The following TBL1Y variants were observed in gnomAD, a reference collection of about 807,000 sequenced individuals.
TBL1Y encodes the protein F-box-like/WD repeat-containing protein TBL1Y.
A neutral mutation model predicts 12.0 loss-of-function variants in TBL1Y; 15 were observed. The ratio of observed to expected loss-of-function variants is 1.25; its 90% confidence interval spans 0.83 to 1.92. The LOEUF (loss-of-function observed/expected upper bound fraction) is 1.92, where lower values mean the gene tolerates loss of function less well. Among genes scored for constraint, TBL1Y ranks in the 40% most tolerant of loss-of-function variants. The pLI, the probability that TBL1Y is intolerant of heterozygous loss-of-function variation, is 0.00. For missense variants in TBL1Y, 148 were observed against 116.7 expected, an observed-to-expected ratio of 1.27 and a Z score of -1.24; for synonymous variants, 53 against 42.6, an observed-to-expected ratio of 1.24 and a Z score of -0.95.
At chrY:6,984,353 C>T (rs770790143) in intron 3 of TBL1Y, among the ~76,000 whole-genome samples, 9 of 33,402 alleles carry the variant, frequency 2.7e-4, no homozygotes, top group African/African-American at 1.1e-3. Context: ...GATCAACCCT[C>T]CTCACCCCAG....
In TBL1Y at chrY:7,091,484, G is replaced by C; in HGVS notation, c.1561G>C (p.Asp521His). ...SASDGSVCVL[D>H]L ...TCTTTCCTTCCAGGTGTGTGTTCTG[G>C]ATCTGTGAAAGTAAACACAAAATAT... is the stretch of plus-strand genomic sequence containing the variant. Residue 521 changes from aspartate (D) to histidine (H), a missense_variant, in exon 19 of 19, where the codon GAT (aspartate) becomes CAT (histidine). Asp to His is a moderately conservative substitution (Grantham distance 81). Transcript: ENST00000383032. The C allele has an allele frequency of 2.6e-6, 1 of 381,543 alleles. No homozygotes were observed. The highest frequency in any genetic ancestry group is 3.4e-5 in the South Asian group (1 of 29,314).
At chrY:7,002,102 A>G in intron 4 of TBL1Y, among the ~76,000 whole-genome samples, 1 of 34,447 alleles carries the variant, frequency 2.9e-5, no homozygotes, top group Non-Finnish European at 7.2e-5. Flanking sequence ...TAGTATATTT[A>G]TCCAGGAACT....
chrY:6,934,481 A>G (rs776272269), intron 2 of TBL1Y, among the ~76,000 whole-genome samples: 17 of 33,591 alleles, frequency 5.1e-4, no homozygotes, highest in African/African-American at 2.0e-3. Flanking sequence ...CAAGCACTGT[A>G]GAGTTCTTTC....
intron 4 of TBL1Y, among the ~76,000 whole-genome samples, chrY:7,019,029 G>T (rs2012569328): frequency 3.0e-5 from 1 of 32,948 alleles, no homozygotes; most frequent in East Asian, 8.0e-4. Context: ...ATACATGCAC[G>T]GCACACCATG....
At position 7,074,637 on chromosome Y, in the gene TBL1Y, G is replaced by A. The variant is rs776039448; in HGVS notation, c.955+17G>A. The stretch of plus-strand genomic sequence containing the variant: ...TTCATTCAGGTGAGTCTTTATGTTT[G>A]TGTTTTGTAATTTGAAAATAATTCA... On this transcript the variant is annotated intron_variant, in intron 13 of 18. Transcript: ENST00000383032. The A allele has an allele frequency of 1.3e-5, 5 of 394,248 alleles. No homozygotes were observed. The highest frequency in any genetic ancestry group is 1.8e-5 in the Non-Finnish European group (5 of 280,812).
At chrY:6,937,452 T>G (rs967403509) in intron 2 of TBL1Y, among the ~76,000 whole-genome samples, 9 of 32,972 alleles carry the variant, frequency 2.7e-4, no homozygotes, top group Admixed American at 1.1e-3. Flanking sequence ...ACGCCTATAA[T>G]TTCAGTCTCG....
chrY:6,989,984 A>G (rs2012351446), intron 3 of TBL1Y, among the ~76,000 whole-genome samples: 1 of 33,337 alleles, frequency 3.0e-5, no homozygotes, highest in Non-Finnish European at 7.4e-5. Context: ...CAGCATTGCT[A>G]TGGGTTCCAC....
chrY:7,063,405 A>G, intron 7 of TBL1Y, among the ~76,000 whole-genome samples: 1 of 33,229 alleles, frequency 3.0e-5, no homozygotes, highest in African/African-American at 1.2e-4. Context: ...GGGTTAGACC[A>G]CACAGGCTAA....
chrY:7,037,666 G>C (rs2012701110), intron 6 of TBL1Y, among the ~76,000 whole-genome samples: 1 of 33,788 alleles, frequency 3.0e-5, no homozygotes, highest in Non-Finnish European at 7.3e-5. Context: ...GGGTGTGGCT[G>C]TAGCTCAATA....
chrY:6,917,270 G>A, intron 2 of TBL1Y, among the ~76,000 whole-genome samples: 1 of 34,080 alleles, frequency 2.9e-5, no homozygotes, highest in African/African-American at 1.1e-4. Flanking sequence ...AAGGGATTTA[G>A]GTTTTGTGCT....
chrY:7,087,318 C>T lies in TBL1Y; in HGVS notation c.1332C>T (p.Cys444=). 4 of 395,398 alleles carry T rather than the reference C, an allele frequency of 1.0e-5. No homozygotes were observed. Among genetic ancestry groups the T allele is most frequent in the Non-Finnish European group, 1.4e-5 (4 of 282,190 alleles). The change falls in exon 17 of 19, where the codon TGC becomes TGT. Residue 444 remains cysteine, a synonymous_variant. Coordinates refer to ENST00000383032, the MANE Select transcript of TBL1Y (RefSeq NM_033284.2). ...VRLWDVEQGV[C]THTLMKHQEP... ...TGTGGGATGTGGAGCAAGGTGTCTGCACCCACACACTCATGAAGCATCAAG... is the reference window on the plus strand; with the variant it reads ...TGTGGGATGTGGAGCAAGGTGTCTGTACCCACACACTCATGAAGCATCAAG...
intron 2 of TBL1Y, among the ~76,000 whole-genome samples, chrY:6,970,437 G>C (rs949987954): frequency 3.0e-5 from 1 of 32,971 alleles, no homozygotes; most frequent in Non-Finnish European, 7.4e-5. Context: ...TACTACAGGT[G>C]CCTGCCACCA....
At chrY:7,069,419 T>G (rs2013008057) in intron 8 of TBL1Y, among the ~76,000 whole-genome samples, 1 of 33,649 alleles carries the variant, frequency 3.0e-5, no homozygotes, top group Non-Finnish European at 7.3e-5. Flanking sequence ...GCTGGAGGTC[T>G]GAGATCAAGG....
intron 7 of TBL1Y, among the ~76,000 whole-genome samples, chrY:7,060,618 T>C (rs897854759): frequency 6.5e-4 from 21 of 32,429 alleles, no homozygotes; most frequent in African/African-American, 2.5e-3. Context: ...CACTGTTCAC[T>C]TTTAGCAAAT....
At chrY:6,934,658 A>T in intron 2 of TBL1Y, among the ~76,000 whole-genome samples, 1 of 33,755 alleles carries the variant, frequency 3.0e-5, no homozygotes, top group Non-Finnish European at 7.3e-5. Context: ...ATCTTGATGG[A>T]GGTATATTGA....
chrY:6,939,978 G>A (rs2011937790), intron 2 of TBL1Y, among the ~76,000 whole-genome samples: 2 of 28,478 alleles, frequency 7.0e-5, no homozygotes, highest in Admixed American at 6.9e-4. Flanking sequence ...GGCTGGGCGC[G>A]GCAGCTCACA....
intron 13 of TBL1Y, among the ~76,000 whole-genome samples, 173 bp downstream of exon 13, chrY:7,074,793 G>A (rs2013052580): frequency 3.2e-5 from 1 of 31,433 alleles, no homozygotes; most frequent in African/African-American, 1.3e-4. Flanking sequence ...GACCAGCCTG[G>A]GCAATATAGC....
At chrY:6,927,389 C>T in intron 2 of TBL1Y, among the ~76,000 whole-genome samples, 1 of 32,760 alleles carries the variant, frequency 3.1e-5, no homozygotes, top group Non-Finnish European at 7.4e-5. Flanking sequence ...CACAACACGT[C>T]GAGGTAATTT....
At chrY:6,914,183 A>G in intron 2 of TBL1Y, among the ~76,000 whole-genome samples, 1 of 32,532 alleles carries the variant, frequency 3.1e-5, no homozygotes, top group Non-Finnish European at 7.5e-5. Flanking sequence ...AGAAGGCTTG[A>G]GGCCAGGAGT....
Sources: allele counts gnomAD v4.1 joint callset (sites outside exome capture counted in the v4.1 genomes callset), GRCh38; gene constraint gnomAD v4.1.1; transcripts MANE v1.5; gene names NCBI Gene and HGNC (gene_info 2026-07-23, HGNC 2026-07-21).